Variants in SSX7 observed in about 807,000 individuals in gnomAD.
SSX7 encodes the protein protein SSX7.
A neutral mutation model predicts 14.7 loss-of-function variants in SSX7; 15 were observed. The observed-to-expected ratio is 1.02, with a 90% CI of 0.68 to 1.58. The LOEUF (loss-of-function observed/expected upper bound fraction) is 1.58, where lower values mean the gene tolerates loss of function less well. Among genes scored for constraint, SSX7 ranks in the 40% most tolerant of loss-of-function variants. The probability of loss-of-function intolerance (pLI) is 0.00; values close to 1 mark genes in which losing one functional copy is unlikely to be tolerated. For missense variants in SSX7, 178 were observed against 146.8 expected (o/e 1.21, Z -1.10); for synonymous variants, 46 against 50.6 (o/e 0.91, Z 0.38).
rs1925177461 is a variant in SSX7, at chrX:52,644,709, G to A, written c.*5-39C>T. The A allele has an allele frequency of 3.4e-6, 4 of 1,179,376 alleles. No homozygotes were observed. In the East Asian group the frequency reaches 1.2e-4, roughly 35 times the overall value. On this transcript the variant is annotated intron_variant, in intron 7 of 7. Coordinates refer to ENST00000298181, the MANE Select transcript of SSX7 (RefSeq NM_173358.2). ...AGAGAAGGAAAGTAAGTGGCAGTGA[G>A]TTCCCACCACGTGACAACTCAATCT...
At chrX:52,651,768 C>G (rs5986184) in intron 4 of SSX7, among the ~76,000 whole-genome samples, 4,249 of 111,053 alleles carry the variant, frequency 0.038, 76 homozygotes, top group Middle Eastern at 0.092. Context: ...CCAGCTACTC[C>G]GGAGGCTGAG....
At chrX:52,649,322 C>T (rs1250211221) in intron 5 of SSX7, among the ~76,000 whole-genome samples, 1 of 111,927 alleles carries the variant, frequency 8.9e-6, no homozygotes, top group African/African-American at 3.2e-5. Context: ...AGCCACCGTG[C>T]CCCGCTCTTA....
Position 52,652,939 on chromosome X carries a change from T to C in SSX7, c.115A>G (p.Lys39Glu). Reference protein sequence around the residue: ...AKYFSKKEWEKMKSLEKISYV... With the variant: ...AKYFSKKEWEEMKSLEKISYV... ...CTGATTTTCTCCAAGGATTTCATCT[T>C]TTCCCACTCTTTCTTAGAGAAGTAT... Residue 39 changes from lysine to glutamate, a missense_variant, in exon 3 of 8, where the codon AAG becomes GAG. Coordinates refer to ENST00000298181, the MANE Select transcript of SSX7 (RefSeq NM_173358.2). The C allele has an allele frequency of 1.7e-6, 2 of 1,202,994 alleles. No homozygotes were observed. The highest frequency in any genetic ancestry group is 2.2e-6 in the Non-Finnish European group (2 of 889,590).
At chrX:52,649,178 G>T (rs1274101789) in intron 5 of SSX7, among the ~76,000 whole-genome samples, 1 of 111,174 alleles carries the variant, frequency 9.0e-6, no homozygotes, top group Non-Finnish European at 1.9e-5. Flanking sequence ...CTGCAGGCAG[G>T]CGCTACCACG....
chrX:52,652,241 C>T lies in SSX7; in HGVS notation c.280+11G>A, dbSNP rs782743757. The T allele has an allele frequency of 9.3e-6, 11 of 1,186,184 alleles. No homozygotes were observed. Among genetic ancestry groups the T allele is most frequent in the South Asian group, 1.8e-5 (1 of 56,319 alleles). ...GAGGAGACCCTTTCCAGCCCCTTCC[C>T]GTCTACTCACCCTGATTCCCTTGGT... On this transcript the variant is annotated intron_variant, in intron 4 of 7. Transcript: ENST00000298181.
chrX:52,652,351 G>A lies in SSX7; in HGVS notation c.185-4C>T. The A allele has an allele frequency of 2.6e-6, 3 of 1,174,025 alleles. No homozygotes were observed. Among genetic ancestry groups the A allele is most frequent in the Middle Eastern group, 4.7e-4 (2 of 4,256 alleles). On this transcript the variant is annotated splice_region_variant and splice_polypyrimidine_tract_variant and intron_variant, in intron 3 of 7. Coordinates refer to ENST00000298181, the MANE Select transcript of SSX7 (RefSeq NM_173358.2). The stretch of plus-strand genomic sequence containing the variant: ...GGTGGGAGGGTGGCCTTGAAGCCTA[G>A]AAAGAAGCAAAATGTTTATTCCTTA...
At chrX:52,645,792 C>T (rs1181491261) in intron 6 of SSX7, among the ~76,000 whole-genome samples, 4 of 111,287 alleles carry the variant, frequency 3.6e-5, no homozygotes, top group East Asian at 2.8e-4. Flanking sequence ...TTTTCACTTA[C>T]GGGAACATCC....
chrX:52,648,534 G>T (rs1205772877), intron 5 of SSX7, 138 bp from the exon 6 acceptor site: 79 of 963,031 alleles, frequency 8.2e-5, no homozygotes, highest in Non-Finnish European at 1.0e-4. Context: ...GCCTAAATTA[G>T]GAGAAACCTG....
intron 6 of SSX7, among the ~76,000 whole-genome samples, chrX:52,646,065 T>C (rs1556766323): frequency 9.0e-6 from 1 of 111,429 alleles, no homozygotes; most frequent in African/African-American, 3.3e-5. Context: ...TAATTTTTAT[T>C]TTATTTTATT....
chrX:52,649,935 T>C (rs1374644848), intron 5 of SSX7, among the ~76,000 whole-genome samples: 2 of 112,242 alleles, frequency 1.8e-5, no homozygotes, highest in African/African-American at 6.5e-5. Context: ...TATTATTATG[T>C]TGCTGATAAC....
intron 5 of SSX7, among the ~76,000 whole-genome samples, chrX:52,649,393 T>G (rs782122377): frequency 7.0e-4 from 79 of 112,105 alleles, no homozygotes; most frequent in African/African-American, 2.5e-3. Context: ...TAAAATAGTC[T>G]ACGGGAAAGT....
intron 3 of SSX7, 63 bp downstream of exon 3, chrX:52,652,807 C>G: frequency 5.8e-6 from 6 of 1,031,731 alleles, no homozygotes; most frequent in Non-Finnish European, 8.0e-6. Context: ...AAGAAGTAGC[C>G]AAAGCAGGAA....
chrX:52,650,486 A>C (rs781881351), intron 4 of SSX7, 84 bp from the exon 5 acceptor site: 7 of 1,030,637 alleles, frequency 6.8e-6, no homozygotes, highest in Non-Finnish European at 9.5e-6. Context: ...GGTATTCTGC[A>C]GCAGAGTGTT....
In SSX7 at chrX:52,648,217, G is replaced by T. The variant is rs367681818; in HGVS notation, c.466+44C>A. On this transcript the variant is annotated intron_variant, in intron 6 of 7. Coordinates refer to ENST00000298181, the MANE Select transcript of SSX7 (RefSeq NM_173358.2). ...CACCCAGTCCACACACCTGAACATA[G>T]CCACGGAAGCCAGAGGGTTTGTTCC... The T allele has an allele frequency of 5.9e-6, 7 of 1,192,414 alleles. No homozygotes were observed. The African/African-American group carries it at 1.2e-4, about 21-fold the overall frequency.
intron 4 of SSX7, among the ~76,000 whole-genome samples, chrX:52,651,452 A>G (rs1244960445): frequency 5.4e-5 from 6 of 112,089 alleles, no homozygotes; most frequent in Non-Finnish European, 7.5e-5. Context: ...TAGGAAGAAC[A>G]ACATGTCATC....
chrX:52,645,825 C>T (rs1352720294), intron 6 of SSX7, among the ~76,000 whole-genome samples: 1 of 110,896 alleles, frequency 9.0e-6, no homozygotes, highest in Non-Finnish European at 1.9e-5. Context: ...TTTCATTCAG[C>T]ACGTGTTTTT....
intron 7 of SSX7, among the ~76,000 whole-genome samples, chrX:52,644,930 A>T (rs1468037991): frequency 9.0e-6 from 1 of 111,286 alleles, no homozygotes; most frequent in African/African-American, 3.3e-5. Flanking sequence ...AACCCACAGC[A>T]TCCTGGGTAG....
intron 7 of SSX7, among the ~76,000 whole-genome samples, chrX:52,645,149 T>G (rs1322481775): frequency 1.8e-5 from 2 of 109,913 alleles, no homozygotes; most frequent in African/African-American, 3.3e-5. Context: ...CGGGCACTTG[T>G]AGTCCCAGCT....
chrX:52,646,285 G>A (rs1320410070), intron 6 of SSX7, among the ~76,000 whole-genome samples: 1 of 111,890 alleles, frequency 8.9e-6, no homozygotes, highest in Non-Finnish European at 1.9e-5. Flanking sequence ...GGATGGTCTC[G>A]ATCTCCCGAC....
Sources: gnomAD v4.1 joint callset for allele counts (sites outside exome capture counted in the v4.1 genomes callset) on GRCh38, gnomAD v4.1.1 for gene constraint, MANE v1.5 for transcripts, NCBI Gene and HGNC (gene_info 2026-07-23, HGNC 2026-07-21) for gene names.